PPP1R3F: variants seen among roughly 807,000 people sequenced by gnomAD.
PPP1R3F encodes protein phosphatase 1, regulatory (inhibitor) subunit 3F.
In PPP1R3F, 29 loss-of-function variants were observed where a neutral mutation model predicts 24.2. That is an observed-to-expected ratio of 1.20 (90% confidence interval 0.89 to 1.63). The LOEUF is 1.63. PPP1R3F is among the 40% of genes most tolerant of loss of function. PPP1R3F has a pLI of 0.00. For synonymous variants in PPP1R3F, 363 were observed against 340.1 expected, an observed-to-expected ratio of 1.07 and a Z score of -0.74; for missense variants, 823 against 729.3, an observed-to-expected ratio of 1.13 and a Z score of -1.48.
intron 1 of PPP1R3F, 144 bp downstream of exon 1, chrX:49,271,017 G>A (rs782681450): frequency 3.6e-6 from 2 of 562,957 alleles, no homozygotes; most frequent in East Asian, 3.6e-5. Flanking sequence ...AGTGATGGAG[G>A]TCAAACACGT....
At position 49,270,249 on chromosome X, in the gene PPP1R3F, G is replaced by A. The variant is rs1373026578; in HGVS notation, c.380G>A (p.Arg127His). 1 of 1,099,568 alleles carries A rather than the reference G, an allele frequency of 9.1e-7. No individual in the cohort carries two copies. Among genetic ancestry groups the A allele is most frequent in the East Asian group, 3.5e-5 (1 of 28,980 alleles). 90.6% of individuals were successfully genotyped at this position (1,099,568 alleles called of 1,213,427 possible). A position where few individuals can be genotyped will look rare whatever the true frequency, so the allele number is the denominator to read the frequency against. The change falls in exon 1 of 4, where the codon CGT becomes CAT. Residue 127 changes from arginine to histidine, a missense_variant. Arg to His is a conservative substitution (Grantham distance 29). Transcript: ENST00000055335. Reference protein sequence around the residue: ...PTFSLPPAPGRLERLGRVMVE... With the variant: ...PTFSLPPAPGHLERLGRVMVE... ...TTTTCGCTGCCGCCCGCGCCGGGCC[G>A]TCTGGAGCGCTTGGGGCGCGTCATG... is the stretch of plus-strand genomic sequence containing the variant.
intron 1 of PPP1R3F, 35 bp from the exon 2 acceptor site, chrX:49,281,371 T>C: frequency 8.7e-7 from 1 of 1,147,335 alleles, no homozygotes; most frequent in Middle Eastern, 2.4e-4. Flanking sequence ...CTCAGGGTAT[T>C]ATTAGATCCA....
intron 3 of PPP1R3F, among the ~76,000 whole-genome samples, chrX:49,282,600 T>G (rs184341729): frequency 1.9e-5 from 2 of 107,860 alleles, no homozygotes; most frequent in East Asian, 5.8e-4. Flanking sequence ...GTGAGCCACG[T>G]GGATAACTAA....
chrX:49,270,200 G>A lies in PPP1R3F; in HGVS notation c.331G>A (p.Gly111Arg). The stretch of plus-strand genomic sequence containing the variant: ...ACCGCTGTGCCCCGTCCCCGCTGGC[G>A]GGGGGTTTTACCTGGTCCCCACATT... The part of the protein sequence containing the change: ...PSPLCPVPAG[G>R]GFYLVPTFSL... Residue 111 changes from glycine (G) to arginine (R), a missense_variant, in exon 1 of 4, where the codon GGG becomes AGG. By Grantham distance (125) the Gly-to-Arg change is moderately radical. Coordinates refer to ENST00000055335, the MANE Select transcript of PPP1R3F (RefSeq NM_033215.5). 9.2e-7 allele frequency: 1 copy of A among 1,091,266 alleles called. No individual in the cohort carries two copies. Among genetic ancestry groups the A allele is most frequent in the Non-Finnish European group, 1.2e-6 (1 of 844,138 alleles). The allele number at this position is 1,091,266 out of a possible 1,213,427, so 89.9% of individuals were successfully genotyped here.
rs1557121522 is a variant in PPP1R3F, at chrX:49,286,317, C to T, written c.1627C>T (p.Arg543Trp). The change falls in exon 4 of 4, where the codon CGG becomes TGG. Residue 543 changes from arginine to tryptophan, a missense_variant. Arg to Trp is a moderately radical substitution (Grantham distance 101). Transcript: ENST00000055335. ...GATCTTGAAGTGGCCTGGCCCTGAG[C>T]GGGCCCTGAACAGCGCCCTGGCTGA... is the stretch of plus-strand genomic sequence containing the variant. ...DLILKWPGPE[R>W]ALNSALAEEI... The T allele has an allele frequency of 5.0e-6, 6 of 1,209,849 alleles. No homozygotes were observed. The highest frequency in any genetic ancestry group is 3.5e-5 in the South Asian group (2 of 56,594).
intron 1 of PPP1R3F, among the ~76,000 whole-genome samples, chrX:49,271,743 C>A (rs1358622312): frequency 8.8e-6 from 1 of 113,194 alleles, no homozygotes; most frequent in Non-Finnish European, 1.9e-5. Flanking sequence ...AGGCGAGGGG[C>A]TGAGCCCATG....
At chrX:49,285,571 A>G (rs1325262567) in intron 3 of PPP1R3F, among the ~76,000 whole-genome samples, 1 of 111,787 alleles carries the variant, frequency 8.9e-6, no homozygotes, top group African/African-American at 3.3e-5. Flanking sequence ...TCATTCACCA[A>G]ATATTCACAC....
Position 49,285,952 on chromosome X carries a change from C to T in PPP1R3F, c.1262C>T (p.Ser421Phe). 8.3e-7 allele frequency: 1 copy of T among 1,208,775 alleles called. No homozygotes were observed. ...CCGGCCATCAGGATTCCCCCCTCCT[C>T]CCCTCTCTGTGGCCTGGGTGGCTCC... ...QAPAIRIPPS[S>F]PLCGLGGSPR... Residue 421 changes from serine to phenylalanine, a missense_variant, in exon 4 of 4, where the codon TCC (serine) becomes TTC (phenylalanine). Transcript: ENST00000055335.
At chrX:49,288,959 C>A (rs1424072525), downstream of PPP1R3F, among the ~76,000 whole-genome samples, 1 of 110,447 alleles carries the variant, frequency 9.1e-6, no homozygotes, top group Non-Finnish European at 1.9e-5. Flanking sequence ...CATGGTGAAA[C>A]CCCGTCTCTA....
At chrX:49,291,288 T>TTTTC (rs57470853), downstream of PPP1R3F, among the ~76,000 whole-genome samples, 9 of 50,612 alleles carry the variant, frequency 1.8e-4, no homozygotes, top group Non-Finnish European at 4.1e-4. Context: ...CAGCCTACTT[T>TTTTC]TCTCTCTCTC....
intron 1 of PPP1R3F, among the ~76,000 whole-genome samples, chrX:49,279,115 C>T (rs1412454824): frequency 8.9e-6 from 1 of 112,195 alleles, no homozygotes; most frequent in Non-Finnish European, 1.9e-5. Flanking sequence ...GTTGCCCAGG[C>T]ACCGTGGCTC....
At chrX:49,292,705 TATGGCTTGAGGG>T (rs1196817469), downstream of PPP1R3F, among the ~76,000 whole-genome samples, 9 of 112,334 alleles carry the variant, frequency 8.0e-5, no homozygotes, top group Non-Finnish European at 1.7e-4. Context: ...ACAATCTCTG[TATGGCTTGAGGG>T]ATGCACAGCT....
intron 3 of PPP1R3F, among the ~76,000 whole-genome samples, chrX:49,284,860 T>A (rs2066271941): frequency 1.8e-5 from 2 of 110,770 alleles, no homozygotes; most frequent in African/African-American, 6.6e-5. Flanking sequence ...CAGTGGAGAG[T>A]GGCATTCAAA....
chrX:49,277,901 G>A (rs2066224039), intron 1 of PPP1R3F, among the ~76,000 whole-genome samples: 2 of 112,161 alleles, frequency 1.8e-5, no homozygotes, highest in South Asian at 7.3e-4. Context: ...GTCAATGAGA[G>A]GGGCCCATGG....
chrX:49,284,913 G>A (rs1159283985), intron 3 of PPP1R3F, among the ~76,000 whole-genome samples: 4 of 111,332 alleles, frequency 3.6e-5, no homozygotes, highest in African/African-American at 1.3e-4. Context: ...CTACTAGATT[G>A]GTCATTGTTT....
Position 49,270,092 on chromosome X carries a change from G to C in PPP1R3F, c.223G>C (p.Gly75Arg), listed in dbSNP as rs1557118630. The change falls in exon 1 of 4, where the codon GGC becomes CGC. Residue 75 changes from glycine to arginine, a missense_variant. Physicochemically the swap from Gly to Arg is moderately radical, Grantham distance 125. Coordinates refer to ENST00000055335, the MANE Select transcript of PPP1R3F (RefSeq NM_033215.5). Reference protein sequence around the residue: ...MAAAAGQDGGGGGGADEDDDG... With the variant: ...MAAAAGQDGGRGGGADEDDDG... ...GGCGGCGGCCGGGCAAGATGGCGGCGGCGGCGGCGGGGCCGACGAGGACGA... is the reference window on the plus strand; with the variant it reads ...GGCGGCGGCCGGGCAAGATGGCGGCCGCGGCGGCGGGGCCGACGAGGACGA... The C allele has an allele frequency of 8.9e-6, 9 of 1,007,436 alleles. No homozygotes were observed. Among genetic ancestry groups the C allele is most frequent in the Non-Finnish European group, 1.1e-5 (9 of 799,105 alleles). The allele number at this position is 1,007,436 out of a possible 1,213,427, so 83.0% of individuals were successfully genotyped here. A position where few individuals can be genotyped will look rare whatever the true frequency, so the allele number is the denominator to read the frequency against.
intron 1 of PPP1R3F, among the ~76,000 whole-genome samples, chrX:49,280,272 A>G (rs1191319439): frequency 9.4e-6 from 1 of 106,102 alleles, no homozygotes; most frequent in Non-Finnish European, 2.0e-5. Flanking sequence ...TTTGTGAGAT[A>G]ATCTCTCACT....
downstream of PPP1R3F, among the ~76,000 whole-genome samples, chrX:49,293,055 A>G (rs1378973492): frequency 1.8e-5 from 2 of 111,276 alleles, no homozygotes; most frequent in Non-Finnish European, 3.8e-5. Flanking sequence ...TGGGCTGGGG[A>G]CCAGGTGAGG....
intron 1 of PPP1R3F, among the ~76,000 whole-genome samples, chrX:49,271,801 G>C (rs1322853151): frequency 8.8e-6 from 1 of 113,061 alleles, no homozygotes; most frequent in Non-Finnish European, 1.9e-5. Context: ...AACCAGATGG[G>C]TACTGGACTT....
Sources: allele counts gnomAD v4.1 joint callset (sites outside exome capture counted in the v4.1 genomes callset), GRCh38; gene constraint gnomAD v4.1.1; transcripts MANE v1.5; gene names NCBI Gene and HGNC (gene_info 2026-07-23, HGNC 2026-07-21).